Variants in PAM observed in about 807,000 individuals in gnomAD.
The protein encoded by PAM is peptidylglycine alpha-amidating monooxygenase.
Under a neutral mutation model 122.1 loss-of-function variants are expected in PAM, and 72 were observed. The ratio of observed to expected loss-of-function variants is 0.59; its 90% confidence interval spans 0.49 to 0.72. The LOEUF is 0.72. Ranked by LOEUF, PAM falls within the 30% of genes least tolerant of loss-of-function variation. The probability of loss-of-function intolerance (pLI) is 0.00; values close to 1 mark genes in which losing one functional copy is unlikely to be tolerated. For synonymous variants in PAM, 389 were observed against 404.4 expected (o/e 0.96, Z 0.46); for missense variants, 1,106 against 1,183.7 (o/e 0.93, Z 0.96).
chr5:102,988,944 T>C (rs1360352707), intron 15 of PAM, among the ~76,000 whole-genome samples: 1 of 152,188 alleles, frequency 6.6e-6, no homozygotes, highest in Non-Finnish European at 1.5e-5. Context: ...TCATATAAGC[T>C]TTGAGCTTCT....
intron 3 of PAM, among the ~76,000 whole-genome samples, chr5:102,888,198 G>C (rs1793735809): frequency 6.6e-6 from 1 of 151,906 alleles, no homozygotes; most frequent in Non-Finnish European, 1.5e-5. Context: ...CAGACATACG[G>C]GGCATATGGG....
intron 21 of PAM, among the ~76,000 whole-genome samples, chr5:103,014,732 T>A (rs763816666): frequency 1.3e-5 from 2 of 152,192 alleles, no homozygotes; most frequent in Admixed American, 1.3e-4. Context: ...ATGTAGGGAC[T>A]CTGTTTTTAT....
chr5:102,989,739 T>C (rs995529245), intron 15 of PAM: 2 of 151,980 alleles, frequency 1.3e-5, no homozygotes, highest in East Asian at 1.9e-4. Flanking sequence ...CAATGAGTGG[T>C]TTATTATGGG....
Position 103,028,926 on chromosome 5 carries a change from C to T in PAM, c.2783C>T (p.Ala928Val), listed in dbSNP as rs201038282. 1.2e-6 allele frequency: 2 copies of T among 1,606,490 alleles called. No individual in the cohort carries two copies. The highest frequency in any genetic ancestry group is 1.7e-6 in the Non-Finnish European group (2 of 1,177,620). The change falls in exon 26 of 26, where the codon GCA (alanine) becomes GTA (valine). Residue 928 changes from alanine to valine, a missense_variant. Ala to Val is a moderately conservative substitution (Grantham distance 64). Coordinates refer to ENST00000438793, the MANE Select transcript of PAM (RefSeq NM_001177306.2). ...SGGLNLGNFF[A>V]SRKGYSRKGF... Reference sequence around the variant, plus strand: ...GGCTTAAACCTTGGTAATTTCTTTGCAAGCCGTAAGGGCTACAGTCGAAAA... The same window carrying T: ...GGCTTAAACCTTGGTAATTTCTTTGTAAGCCGTAAGGGCTACAGTCGAAAA...
intron 4 of PAM, among the ~76,000 whole-genome samples, chr5:102,905,365 A>G (rs1245610246): frequency 6.6e-6 from 1 of 151,682 alleles, no homozygotes; most frequent in Non-Finnish European, 1.5e-5. Flanking sequence ...CACTACATAA[A>G]TGAGATAGAA....
At chr5:102,838,512 A>G (rs2150536001) in intron 1 of PAM, 1 of 152,288 alleles carries the variant, frequency 6.6e-6, no homozygotes, top group South Asian at 2.1e-4. Context: ...TTCTTCATGT[A>G]TGGCATAAAA....
At chr5:102,872,807 C>A (rs1362779751) in intron 3 of PAM, among the ~76,000 whole-genome samples, 1 of 152,106 alleles carries the variant, frequency 6.6e-6, no homozygotes, top group Non-Finnish European at 1.5e-5. Context: ...TTTCAGGCTA[C>A]AATAACGTTA....
At chr5:102,902,532 C>G (rs1798271939) in intron 4 of PAM, among the ~76,000 whole-genome samples, 1 of 151,494 alleles carries the variant, frequency 6.6e-6, no homozygotes, top group Non-Finnish European at 1.5e-5. Context: ...TCTTCTATAT[C>G]CTGAACTATC....
At chr5:102,976,483 G>T (rs1007837004) in intron 15 of PAM, among the ~76,000 whole-genome samples, 1 of 151,674 alleles carries the variant, frequency 6.6e-6, no homozygotes, top group Non-Finnish European at 1.5e-5. Flanking sequence ...TTAATGTCTA[G>T]TCCTCAGGGT....
At chr5:102,990,202 A>G in intron 15 of PAM, 70 bp from the exon 16 acceptor site, 2 of 1,180,384 alleles carry the variant, frequency 1.7e-6, no homozygotes, top group Non-Finnish European at 2.3e-6. Context: ...GCTTCTTGTA[A>G]CTATTATGAA....
At chr5:102,792,086 CT>C (rs1001938049) in intron 1 of PAM, among the ~76,000 whole-genome samples, 7 of 151,708 alleles carry the variant, frequency 4.6e-5, no homozygotes, top group Admixed American at 3.3e-4. Flanking sequence ...TTTGATCCTT[CT>C]TTTTTTTCAC....
chr5:102,839,586 G>A (rs1778040379), intron 1 of PAM, among the ~76,000 whole-genome samples: 1 of 151,442 alleles, frequency 6.6e-6, no homozygotes, highest in African/African-American at 2.4e-5. Flanking sequence ...AATAAGGTGT[G>A]TAGAGCATCC....
At chr5:102,832,597 G>T (rs2150454156) in intron 1 of PAM, among the ~76,000 whole-genome samples, 1 of 152,144 alleles carries the variant, frequency 6.6e-6, no homozygotes, top group East Asian at 1.9e-4. Context: ...TGTGAATATG[G>T]CACCTCTCCA....
rs1195186105 is a variant in PAM, at chr5:102,865,939, A to G, written c.-257A>G. 2 of 414,740 alleles carry G rather than the reference A, an allele frequency of 4.8e-6. No individual in the cohort carries two copies. The highest frequency in any genetic ancestry group is 4.2e-5 in the African/African-American group (2 of 47,302). The allele number at this position is 414,740 out of a possible 1,614,324, so 25.7% of individuals were successfully genotyped here. A position where few individuals can be genotyped will look rare whatever the true frequency, so the allele number is the denominator to read the frequency against. On this transcript the variant is annotated 5_prime_UTR_variant, in exon 2 of 26. Transcript: ENST00000438793. ...CGCCAGGGCACGCGAGCGGCGCTGG[A>G]GGGAGGAAAGCTTCCGCCTGCGGGC...
intron 16 of PAM, among the ~76,000 whole-genome samples, chr5:102,998,057 A>G (rs1201428907): frequency 6.6e-6 from 1 of 152,212 alleles, no homozygotes; most frequent in Non-Finnish European, 1.5e-5. Flanking sequence ...ACTTTGAAAT[A>G]TTTGAGCATC....
In PAM at chr5:102,980,183, C is replaced by A. The variant is rs181421425; in HGVS notation, c.1483+5747C>A. ...TGCTATCTGAATTTAGAGCAACTGA[C>A]AAAGTTGGGAATGACTTGCCCAAGG... On this transcript the variant is annotated intron_variant, in intron 15 of 25. Coordinates refer to ENST00000438793, the MANE Select transcript of PAM (RefSeq NM_001177306.2). Among the ~76,000 whole-genome samples, 241 of 152,140 alleles carry A rather than the reference C, an allele frequency of 1.6e-3. 1 individual carries two copies. Among genetic ancestry groups the A allele is most frequent in the Admixed American group, 5.4e-3 (83 of 15,276 alleles).
intron 23 of PAM, among the ~76,000 whole-genome samples, chr5:103,022,686 C>T (rs1021904396): frequency 1.3e-5 from 2 of 152,110 alleles, no homozygotes; most frequent in African/African-American, 4.8e-5. Flanking sequence ...CTAGGTGCCT[C>T]CTGTTTTCCA....
intron 3 of PAM, among the ~76,000 whole-genome samples, chr5:102,882,226 GGTAGCTACCCA>G (rs1252316983): frequency 2.0e-5 from 3 of 148,910 alleles, no homozygotes; most frequent in Non-Finnish European, 4.5e-5. Context: ...TTTTTCTCTG[GGTAGCTACCCA>G]GTAGTGGGAT....
At chr5:102,975,004 A>G (rs1767146295) in intron 15 of PAM, among the ~76,000 whole-genome samples, 1 of 152,198 alleles carries the variant, frequency 6.6e-6, no homozygotes, top group Non-Finnish European at 1.5e-5. Flanking sequence ...ACCTCTACTA[A>G]GTCAATAACT....
Sources: allele counts gnomAD v4.1 joint callset (sites outside exome capture counted in the v4.1 genomes callset), GRCh38; gene constraint gnomAD v4.1.1; transcripts MANE v1.5; gene names NCBI Gene and HGNC (gene_info 2026-07-23, HGNC 2026-07-21).